The following C8orf34 variants were observed in gnomAD, a reference collection of about 807,000 sequenced individuals.
C8orf34 encodes chromosome 8 open reading frame 34.
In C8orf34, 65 loss-of-function variants were observed where a neutral mutation model predicts 68.3. That is an observed-to-expected ratio of 0.95 (90% CI 0.78 to 1.17). C8orf34 has a LOEUF of 1.17. C8orf34 is among the 50% of genes most tolerant of loss of function. The probability of loss-of-function intolerance (pLI) is 0.00; values close to 1 mark genes in which losing one functional copy is unlikely to be tolerated. For missense variants in C8orf34, 664 were observed against 655.4 expected (o/e 1.01, Z -0.14); for synonymous variants, 244 against 241.2 (o/e 1.01, Z -0.11).
intron 8 of C8orf34, among the ~76,000 whole-genome samples, chr8:68,665,933 C>A (rs1028022194): frequency 1.3e-5 from 2 of 152,178 alleles, no homozygotes; most frequent in African/African-American, 4.8e-5. Flanking sequence ...GCACTGAGGA[C>A]AGTGCCCAAA....
At chr8:68,777,646 C>T (rs1271652428) in intron 11 of C8orf34, among the ~76,000 whole-genome samples, 2 of 152,138 alleles carry the variant, frequency 1.3e-5, no homozygotes, top group African/African-American at 2.4e-5. Flanking sequence ...AACATGATCT[C>T]CATTTGATTT....
chr8:68,342,806 C>G (rs1806126167), intron 1 of C8orf34, among the ~76,000 whole-genome samples: 1 of 151,924 alleles, frequency 6.6e-6, no homozygotes, highest in African/African-American at 2.4e-5. Context: ...TAATACTGGC[C>G]CCCAAATGCA....
At chr8:68,446,805 G>C in intron 3 of C8orf34, 1 of 283,986 alleles carries the variant, frequency 3.5e-6, no homozygotes, top group East Asian at 5.9e-5. Flanking sequence ...GTATGTAAAA[G>C]CAAATTAAAT....
chr8:68,638,166 G>T (rs1396152266), intron 7 of C8orf34, among the ~76,000 whole-genome samples: 2 of 152,134 alleles, frequency 1.3e-5, no homozygotes, highest in East Asian at 3.9e-4. Flanking sequence ...TCTCCAGTCA[G>T]CTGTCTACTC....
At chr8:68,533,720 TA>T (rs1815347363) in intron 7 of C8orf34, 1 of 948,438 alleles carries the variant, frequency 1.1e-6, no homozygotes, top group African/African-American at 1.8e-5. Context: ...TATCTTTTTA[TA>T]TTTTTTAATG....
At chr8:68,754,758 A>G (rs1381921566) in intron 10 of C8orf34, among the ~76,000 whole-genome samples, 1 of 152,214 alleles carries the variant, frequency 6.6e-6, no homozygotes, top group East Asian at 1.9e-4. Context: ...ATAGTCTATT[A>G]CCAGTCACGG....
intron 10 of C8orf34, among the ~76,000 whole-genome samples, chr8:68,763,425 CA>C (rs1338795117): frequency 5.3e-5 from 8 of 152,126 alleles, no homozygotes; most frequent in African/African-American, 1.9e-4. Context: ...GTAGGCAATT[CA>C]ACTGGATCTT....
chr8:68,361,499 T>C (rs537802617), intron 1 of C8orf34, among the ~76,000 whole-genome samples: 1 of 152,364 alleles, frequency 6.6e-6, no homozygotes, highest in East Asian at 1.9e-4. Flanking sequence ...CATGTGCCAC[T>C]ATATCTACCA....
intron 1 of C8orf34, among the ~76,000 whole-genome samples, chr8:68,409,433 T>C (rs1809349963): frequency 6.6e-6 from 1 of 152,154 alleles, no homozygotes; most frequent in Non-Finnish European, 1.5e-5. Flanking sequence ...GTTTGTGCCT[T>C]AGTTTTTTAA....
In C8orf34 at chr8:68,692,454, A is replaced by G. The variant is rs1416068964; in HGVS notation, c.1242-16540A>G. ...ATGAACATGTATATTTCATATGTAC[A>G]TGGGAGACACCCAGGGAATGAGTAG... On this transcript the variant is annotated intron_variant, in intron 8 of 13. Coordinates refer to ENST00000518698, the MANE Select transcript of C8orf34 (RefSeq NM_052958.4). Among the ~76,000 whole-genome samples the G allele has an allele frequency of 4.6e-5, 7 of 152,098 alleles. No homozygotes were observed. The South Asian group carries it at 8.3e-4, about 18-fold the overall frequency.
intron 8 of C8orf34, among the ~76,000 whole-genome samples, chr8:68,661,172 T>G (rs188070919): frequency 6.6e-6 from 1 of 152,296 alleles, no homozygotes; most frequent in African/African-American, 2.4e-5. Context: ...CCACCCAGCG[T>G]GGTCATTGGA....
chr8:68,334,050 T>C (rs993796102), intron 1 of C8orf34, among the ~76,000 whole-genome samples: 3 of 152,264 alleles, frequency 2.0e-5, no homozygotes, highest in African/African-American at 7.2e-5. Flanking sequence ...TTGAGAATAC[T>C]TGATCCTCTT....
chr8:68,499,015 T>G (rs1038989061), intron 5 of C8orf34, among the ~76,000 whole-genome samples: 17 of 152,166 alleles, frequency 1.1e-4, no homozygotes, highest in African/African-American at 3.6e-4. Context: ...GTATGAAAGA[T>G]CCCATCAACC....
At chr8:68,585,167 T>C (rs1817171849) in intron 7 of C8orf34, among the ~76,000 whole-genome samples, 1 of 152,192 alleles carries the variant, frequency 6.6e-6, no homozygotes, top group South Asian at 2.1e-4. Context: ...GATGCTTACA[T>C]TTCAATCCAC....
chr8:68,460,905 C>G (rs555410451), intron 3 of C8orf34, among the ~76,000 whole-genome samples: 1 of 152,194 alleles, frequency 6.6e-6, no homozygotes, highest in Non-Finnish European at 1.5e-5. Flanking sequence ...TCCAAAGGAA[C>G]GCAGTTCCTC....
chr8:68,513,199 G>A (rs968293438), intron 5 of C8orf34, among the ~76,000 whole-genome samples: 3 of 152,178 alleles, frequency 2.0e-5, no homozygotes, highest in African/African-American at 7.2e-5. Context: ...CACATGAACT[G>A]AAAGGTACCA....
At chr8:68,589,498 A>G (rs1817307585) in intron 7 of C8orf34, among the ~76,000 whole-genome samples, 1 of 147,776 alleles carries the variant, frequency 6.8e-6, no homozygotes, top group East Asian at 2.0e-4. Context: ...AGAAAGAAAG[A>G]GAGAGAACGA....
At chr8:68,651,450 A>C (rs2130778930) in intron 8 of C8orf34, among the ~76,000 whole-genome samples, 1 of 152,212 alleles carries the variant, frequency 6.6e-6, no homozygotes, top group Non-Finnish European at 1.5e-5. Context: ...CTCTTCCAGG[A>C]TTTTTGGACG....
At chr8:68,755,499 A>G (rs1188566829) in intron 10 of C8orf34, among the ~76,000 whole-genome samples, 2 of 152,220 alleles carry the variant, frequency 1.3e-5, no homozygotes, top group Non-Finnish European at 2.9e-5. Context: ...TATGTAGTAG[A>G]TATCTGATAC....
Sources: gnomAD v4.1 joint callset for allele counts (sites outside exome capture counted in the v4.1 genomes callset) on GRCh38, gnomAD v4.1.1 for gene constraint, MANE v1.5 for transcripts, NCBI Gene and HGNC (gene_info 2026-07-23, HGNC 2026-07-21) for gene names.